PCTP: variants seen among roughly 807,000 people sequenced by gnomAD.
PCTP encodes START domain-containing protein 2.
Under a neutral mutation model 31.0 loss-of-function variants are expected in PCTP, and 27 were observed. That is an observed-to-expected ratio of 0.87 (90% confidence interval 0.64 to 1.20). The LOEUF is 1.20. Among genes scored for constraint, PCTP ranks in the 50% most tolerant of loss-of-function variants. The probability of loss-of-function intolerance (pLI) is 0.00; values close to 1 mark genes in which losing one functional copy is unlikely to be tolerated. For synonymous variants in PCTP, 108 were observed against 101.2 expected, an observed-to-expected ratio of 1.07 and a Z score of -0.40; for missense variants, 287 against 268.2, an observed-to-expected ratio of 1.07 and a Z score of -0.49.
At chr17:55,830,839 G>C (rs1322820540) in intron 5 of PCTP, among the ~76,000 whole-genome samples, 1 of 152,184 alleles carries the variant, frequency 6.6e-6, no homozygotes, top group Admixed American at 6.5e-5. Flanking sequence ...AGACATGCCT[G>C]GGAGCACATG....
chr17:55,771,434 C>T (rs189518360), intron 3 of PCTP, among the ~76,000 whole-genome samples: 3 of 152,216 alleles, frequency 2.0e-5, no homozygotes, highest in African/African-American at 7.2e-5. Context: ...CTCTTACTTT[C>T]CTAAGAAGTT....
chr17:55,768,315 C>T (rs571881476), intron 2 of PCTP, among the ~76,000 whole-genome samples: 2 of 152,060 alleles, frequency 1.3e-5, no homozygotes, highest in Non-Finnish European at 2.9e-5. Context: ...TTGTGTGATC[C>T]TCCCATGTAT....
chr17:55,837,988 A>T (rs537924772), intron 5 of PCTP, among the ~76,000 whole-genome samples: 1 of 151,702 alleles, frequency 6.6e-6, no homozygotes, highest in Non-Finnish European at 1.5e-5. Flanking sequence ...ATAAAAAAAT[A>T]AAAAATAGCA....
chr17:55,817,045 A>G (rs1912942322), intron 3 of PCTP, among the ~76,000 whole-genome samples: 1 of 152,262 alleles, frequency 6.6e-6, no homozygotes, highest in African/African-American at 2.4e-5. Context: ...CTTACAGATC[A>G]CAGTATGGTC....
chr17:55,841,654 T>C (rs1242341161), intron 5 of PCTP, among the ~76,000 whole-genome samples: 1 of 152,108 alleles, frequency 6.6e-6, no homozygotes, highest in Non-Finnish European at 1.5e-5. Context: ...GAGGGGGCGG[T>C]CATACCTTGG....
Position 55,776,835 on chromosome 17 carries a change from A to G in PCTP, c.*735A>G, listed in dbSNP as rs1463349093. 6.9e-6 allele frequency: 7 copies of G among 1,013,474 alleles called. No homozygotes were observed. The highest frequency in any genetic ancestry group is 5.1e-5 in the African/African-American group (3 of 58,536). 62.8% of individuals were successfully genotyped at this position (1,013,474 alleles called of 1,614,324 possible). A position where few individuals can be genotyped will look rare whatever the true frequency, so the allele number is the denominator to read the frequency against. ...AGGAAATGGATGATTTCTCTTTTCC[A>G]TATGTCACTGGGGGAAAGGCTGCCT... On this transcript the variant is annotated 3_prime_UTR_variant, in exon 6 of 6. Transcript: ENST00000268896.
In PCTP at chr17:55,776,414, A is replaced by G. The variant is rs1224319663; in HGVS notation, c.*314A>G. 2 of 1,248,954 alleles carry G rather than the reference A, an allele frequency of 1.6e-6. No homozygotes were observed. The highest frequency in any genetic ancestry group is 3.1e-5 in the African/African-American group (2 of 65,030). The allele number at this position is 1,248,954 out of a possible 1,614,324, so 77.4% of individuals were successfully genotyped here. ...AAACCTTTGCTTGCTTACTATTAGG[A>G]GGGGAAGTCTTCAGTAGGGAACACG... is the stretch of plus-strand genomic sequence containing the variant. On this transcript the variant is annotated 3_prime_UTR_variant, in exon 6 of 6. Coordinates refer to ENST00000268896, the MANE Select transcript of PCTP (RefSeq NM_021213.4).
At chr17:55,762,416 T>C (rs1291780747) in intron 1 of PCTP, among the ~76,000 whole-genome samples, 4 of 151,880 alleles carry the variant, frequency 2.6e-5, no homozygotes, top group Admixed American at 2.6e-4. Flanking sequence ...GGGTAGTGGA[T>C]CTTCACAGTA....
intron 3 of PCTP, among the ~76,000 whole-genome samples, chr17:55,797,359 G>A (rs1412101993): frequency 6.6e-6 from 1 of 151,996 alleles, no homozygotes; most frequent in East Asian, 1.9e-4. Context: ...TGAGATTTTT[G>A]TGAATTTATA....
At chr17:55,794,665 G>T (rs2145012494) in intron 3 of PCTP, among the ~76,000 whole-genome samples, 1 of 152,078 alleles carries the variant, frequency 6.6e-6, no homozygotes, top group East Asian at 1.9e-4. Context: ...CATTCAAGGT[G>T]GAACAAGTCA....
chr17:55,809,410 C>T (rs1256882087), intron 3 of PCTP, among the ~76,000 whole-genome samples: 1 of 152,026 alleles, frequency 6.6e-6, no homozygotes, highest in Admixed American at 6.6e-5. Context: ...GCTTAGAAAA[C>T]TTTGTAACAT....
At chr17:55,760,760 A>T (rs894606645) in intron 1 of PCTP, among the ~76,000 whole-genome samples, 1 of 151,996 alleles carries the variant, frequency 6.6e-6, no homozygotes, top group African/African-American at 2.4e-5. Context: ...GGGCAAACAC[A>T]CCAGGCTTAG....
chr17:55,851,976 T>C, the PCTP span, among the ~76,000 whole-genome samples: 1 of 152,170 alleles, frequency 6.6e-6, no homozygotes, highest in East Asian at 1.9e-4. Flanking sequence ...TTATTACGTA[T>C]ATATCAAAAA....
chr17:55,786,461 G>A (rs954872613), intron 2 of PCTP, among the ~76,000 whole-genome samples: 10 of 151,952 alleles, frequency 6.6e-5, no homozygotes, highest in Non-Finnish European at 1.2e-4. Context: ...TAACAAACTT[G>A]CACGTTGTGC....
intron 3 of PCTP, among the ~76,000 whole-genome samples, chr17:55,801,098 A>G (rs1027016673): frequency 6.6e-6 from 1 of 152,166 alleles, no homozygotes; most frequent in Non-Finnish European, 1.5e-5. Context: ...CTGGAGGCAC[A>G]GGGATCAGGG....
At chr17:55,825,136 A>G (rs1905355663), downstream of PCTP, among the ~76,000 whole-genome samples, 3 of 152,204 alleles carry the variant, frequency 2.0e-5, no homozygotes, top group Admixed American at 2.0e-4. Context: ...CCTTTGTCCA[A>G]TATGGAGAGT....
At chr17:55,820,635 T>C (rs980581814) in intron 3 of PCTP, among the ~76,000 whole-genome samples, 1 of 152,172 alleles carries the variant, frequency 6.6e-6, no homozygotes, top group African/African-American at 2.4e-5. Context: ...GGAAACACAT[T>C]CAGGCTACAG....
chr17:55,851,559 A>G, the PCTP span, among the ~76,000 whole-genome samples: 2 of 152,210 alleles, frequency 1.3e-5, no homozygotes, highest in African/African-American at 4.8e-5. Context: ...CTAAACTTTA[A>G]TTACTTGGCT....
intron 1 of PCTP, among the ~76,000 whole-genome samples, chr17:55,753,143 G>A (rs573186943): frequency 3.3e-5 from 5 of 152,304 alleles, no homozygotes; most frequent in South Asian, 2.1e-4. Context: ...CTGCTCAGAC[G>A]TGTCTAGCAT....
Sources: gnomAD v4.1 joint callset for allele counts (sites outside exome capture counted in the v4.1 genomes callset) on GRCh38, gnomAD v4.1.1 for gene constraint, MANE v1.5 for transcripts, NCBI Gene and HGNC (gene_info 2026-07-23, HGNC 2026-07-21) for gene names.